The following IQUB variants were observed in gnomAD, a reference collection of about 807,000 sequenced individuals.
The protein encoded by IQUB is IQ motif and ubiquitin domain containing.
IQUB carries 86 observed loss-of-function variants against 86.4 expected under a neutral mutation model. That is an observed-to-expected ratio of 1.00 (90% confidence interval 0.84 to 1.19). IQUB has a LOEUF of 1.19. IQUB is among the 50% of genes most tolerant of loss of function. The pLI, the probability that IQUB is intolerant of heterozygous loss-of-function variation, is 0.00. For synonymous variants in IQUB, 289 were observed against 304.5 expected (o/e 0.95, Z 0.53); for missense variants, 946 against 916.9 (o/e 1.03, Z -0.41).
intron 1 of IQUB, among the ~76,000 whole-genome samples, chr7:123,513,694 G>C (rs1796527352): frequency 6.6e-6 from 1 of 152,052 alleles, no homozygotes; most frequent in Admixed American, 6.6e-5. Flanking sequence ...TGTCGCCCAG[G>C]CTGGAGTGCA....
At chr7:123,493,963 A>G (rs1795603985) in intron 7 of IQUB, among the ~76,000 whole-genome samples, 1 of 152,248 alleles carries the variant, frequency 6.6e-6, no homozygotes, top group South Asian at 2.1e-4. Flanking sequence ...ACAAAGGGCA[A>G]CTACTCACAA....
intron 5 of IQUB, 31 bp downstream of exon 5, chr7:123,502,913 A>G: frequency 6.4e-7 from 1 of 1,573,190 alleles, no homozygotes; most frequent in Admixed American, 1.8e-5. Context: ...CTATACCTTC[A>G]AAAACCTAAA....
chr7:123,528,021 G>A (rs544439150), intron 1 of IQUB, among the ~76,000 whole-genome samples: 4 of 152,224 alleles, frequency 2.6e-5, no homozygotes, highest in Non-Finnish European at 4.4e-5. Flanking sequence ...CTCCTGGTCC[G>A]CCGTTTTTTA....
intron 6 of IQUB, among the ~76,000 whole-genome samples, chr7:123,498,887 G>A (rs1795820373): frequency 6.6e-6 from 1 of 152,136 alleles, no homozygotes; most frequent in African/African-American, 2.4e-5. Context: ...CTCAGATAAA[G>A]CTTTATTACA....
At chr7:123,515,086 C>G (rs965652694) in intron 1 of IQUB, among the ~76,000 whole-genome samples, 1 of 152,038 alleles carries the variant, frequency 6.6e-6, no homozygotes, top group African/African-American at 2.4e-5. Flanking sequence ...TCTTCAGGCT[C>G]TCACCACAAA....
At position 123,503,267 on chromosome 7, in the gene IQUB, T is replaced by C; in HGVS notation, c.629A>G (p.Tyr210Cys). ...TAATCCATCTATTCTTCTGACTGGA[T>C]ACAGATCTGGATTTGTAGAAAAGAT... ...VEIFSTNPDL[Y>C]PVRRIDGLTD... Residue 210 changes from tyrosine to cysteine, a missense_variant, in exon 4 of 13, where the codon TAT becomes TGT. Physicochemically the swap from Tyr to Cys is radical, Grantham distance 194. Coordinates refer to ENST00000324698, the MANE Select transcript of IQUB (RefSeq NM_178827.5). 6.2e-7 allele frequency: 1 copy of C among 1,610,704 alleles called. No homozygotes were observed. Among genetic ancestry groups the C allele is most frequent in the Non-Finnish European group, 8.5e-7 (1 of 1,177,076 alleles).
chr7:123,459,188 A>G (rs1418342097), intron 11 of IQUB, among the ~76,000 whole-genome samples: 1 of 151,974 alleles, frequency 6.6e-6, no homozygotes, highest in Non-Finnish European at 1.5e-5. Context: ...AATCACATCT[A>G]ATGGAGATTA....
At chr7:123,485,173 A>C (rs1795167304) in intron 7 of IQUB, among the ~76,000 whole-genome samples, 1 of 152,068 alleles carries the variant, frequency 6.6e-6, no homozygotes, top group Non-Finnish European at 1.5e-5. Flanking sequence ...ATTTCGTCAA[A>C]ATTCTGGAGG....
chr7:123,464,681 A>G (rs988577659), intron 10 of IQUB, 152 bp downstream of exon 10: 4 of 495,310 alleles, frequency 8.1e-6, no homozygotes, highest in Non-Finnish European at 7.1e-6. Flanking sequence ...TACCAACATA[A>G]CAAAATATCA....
At chr7:123,495,418 T>G (rs183751409) in intron 7 of IQUB, among the ~76,000 whole-genome samples, 1 of 152,094 alleles carries the variant, frequency 6.6e-6, no homozygotes, top group Admixed American at 6.5e-5. Flanking sequence ...TGCTTAAAAA[T>G]GTAGCCAATT....
chr7:123,471,113 A>C (rs1040844728), intron 8 of IQUB, among the ~76,000 whole-genome samples: 3 of 152,170 alleles, frequency 2.0e-5, no homozygotes, highest in Non-Finnish European at 2.9e-5. Flanking sequence ...TCAATCCAGT[A>C]AATGAGAAGC....
At chr7:123,512,787 C>T (rs1796480542) in intron 1 of IQUB, among the ~76,000 whole-genome samples, 2 of 152,264 alleles carry the variant, frequency 1.3e-5, no homozygotes, top group South Asian at 4.1e-4. Context: ...AGTAGCTCTG[C>T]TCTTACAAAT....
intron 7 of IQUB, among the ~76,000 whole-genome samples, chr7:123,480,573 T>A (rs1374528070): frequency 6.6e-6 from 1 of 152,120 alleles, no homozygotes; most frequent in Non-Finnish European, 1.5e-5. Flanking sequence ...CTCTCTCAAC[T>A]GATGAGGTGT....
intron 10 of IQUB, among the ~76,000 whole-genome samples, chr7:123,463,126 T>C (rs1280854190): frequency 1.3e-5 from 2 of 151,792 alleles, no homozygotes; most frequent in Admixed American, 6.6e-5. Context: ...AGATGTGTCC[T>C]AGATTCAAGA....
chr7:123,526,194 G>A (rs1584659241), intron 1 of IQUB, among the ~76,000 whole-genome samples: 1 of 152,086 alleles, frequency 6.6e-6, no homozygotes, highest in Non-Finnish European at 1.5e-5. Flanking sequence ...TTGGGGTGTA[G>A]AGTTCTGTAG....
chr7:123,484,309 C>T (rs896118340), intron 7 of IQUB, among the ~76,000 whole-genome samples: 2 of 151,982 alleles, frequency 1.3e-5, no homozygotes, highest in East Asian at 3.9e-4. Context: ...TATTTAAGAG[C>T]TGATAACTTT....
chr7:123,473,647 C>T (rs1429617202), intron 8 of IQUB, among the ~76,000 whole-genome samples: 1 of 152,078 alleles, frequency 6.6e-6, no homozygotes, highest in African/African-American at 2.4e-5. Flanking sequence ...GCAATCTCGG[C>T]TCACTGCAGC....
intron 8 of IQUB, among the ~76,000 whole-genome samples, chr7:123,476,756 G>A (rs946390791): frequency 6.6e-6 from 1 of 151,300 alleles, no homozygotes; most frequent in Non-Finnish European, 1.5e-5. Context: ...AGATAGGAAG[G>A]CCTATTTGAT....
intron 2 of IQUB, 29 bp downstream of exon 2, chr7:123,511,915 T>G: frequency 2.7e-6 from 4 of 1,467,618 alleles, no homozygotes; most frequent in Non-Finnish European, 3.7e-6. Context: ...AATGAGAAAA[T>G]GAAATAGCCT....
Sources: allele counts gnomAD v4.1 joint callset (sites outside exome capture counted in the v4.1 genomes callset), GRCh38; gene constraint gnomAD v4.1.1; transcripts MANE v1.5; gene names NCBI Gene and HGNC (gene_info 2026-07-23, HGNC 2026-07-21).